The following POLN variants were observed in gnomAD, a reference collection of about 807,000 sequenced individuals.
POLN encodes DNA polymerase nu, also known as DNA polymerase N.
POLN carries 108 observed loss-of-function variants against 113.5 expected under a neutral mutation model. The ratio of observed to expected loss-of-function variants is 0.95; its 90% CI spans 0.81 to 1.12. The LOEUF (loss-of-function observed/expected upper bound fraction) is 1.12. Among genes scored for constraint, POLN ranks in the 50% most tolerant of loss-of-function variants. The probability of loss-of-function intolerance (pLI) is 0.00; values close to 1 mark genes in which losing one functional copy is unlikely to be tolerated. For synonymous variants in POLN, 386 were observed against 391.5 expected (o/e 0.99, Z 0.17); for missense variants, 1,097 against 1,077.1 (o/e 1.02, Z -0.26).
chr4:2,169,052 A>G (rs931015903), intron 13 of POLN, among the ~76,000 whole-genome samples: 2 of 152,190 alleles, frequency 1.3e-5, no homozygotes, highest in African/African-American at 4.8e-5. Context: ...GTTTAAGCTG[A>G]CAATCAGAAG....
chr4:2,127,806 C>A lies in POLN; in HGVS notation c.1982+307G>T, dbSNP rs1324284153. Among the ~76,000 whole-genome samples, 2 of 152,254 alleles carry A rather than the reference C, an allele frequency of 1.3e-5. No individual in the cohort carries two copies. The highest frequency in any genetic ancestry group is 2.9e-5 in the Non-Finnish European group (2 of 68,054). ...TCGGAGGGCAGTGGCTCACAGCCAG[C>A]ACCGCGGGCTCGCTCTTTCCGTGGT... On this transcript the variant is annotated intron_variant, in intron 19 of 25. Transcript: ENST00000511885. The surrounding 1 kb of genome is among the most constrained non-coding windows in gnomAD (Gnocchi z 4.7).
chr4:2,171,073 T>C (rs780086215), intron 12 of POLN, 25 bp downstream of exon 12: 27 of 1,578,654 alleles, frequency 1.7e-5, no homozygotes, highest in African/African-American at 2.7e-5. Context: ...ATACATTTTA[T>C]GAAAGAACCA....
chr4:2,136,179 C>A (rs911286888), intron 16 of POLN, among the ~76,000 whole-genome samples: 3 of 152,200 alleles, frequency 2.0e-5, no homozygotes, highest in African/African-American at 7.2e-5. Flanking sequence ...AGAGAGCACA[C>A]AGTAACGCAA....
intron 3 of POLN, among the ~76,000 whole-genome samples, chr4:2,214,760 G>A (rs1424571384): frequency 2.6e-5 from 4 of 152,098 alleles, no homozygotes; most frequent in Non-Finnish European, 2.9e-5. Flanking sequence ...CCCACAGGGA[G>A]CTCAAGATGG....
At chr4:2,131,870 G>T (rs552412027) in intron 16 of POLN, among the ~76,000 whole-genome samples, 152 of 152,290 alleles carry the variant, frequency 1.0e-3, no homozygotes, top group African/African-American at 3.5e-3. Flanking sequence ...CTTCTAGCCC[G>T]TTTCAACTAT....
intron 7 of POLN, among the ~76,000 whole-genome samples, chr4:2,185,060 T>C (rs1733236990): frequency 6.6e-6 from 1 of 152,260 alleles, no homozygotes; most frequent in African/African-American, 2.4e-5. Flanking sequence ...GTAAGTGTTA[T>C]AGCTAATAAA....
intron 19 of POLN, among the ~76,000 whole-genome samples, chr4:2,107,226 G>T (rs1248258859): frequency 6.6e-6 from 1 of 152,038 alleles, no homozygotes; most frequent in African/African-American, 2.4e-5. Context: ...GTTTTTAATA[G>T]TTTCCTTTTA....
rs114760744 is a variant in POLN at position 2,161,478 on chromosome 4, C to G, written c.1555-2267G>C. On this transcript the variant is annotated intron_variant, in intron 13 of 25. Coordinates refer to ENST00000511885, the MANE Select transcript of POLN (RefSeq NM_181808.4). ...AGCCCACCGGCGCTGCGCTCGATTT[C>G]TCACCCGGCCTTAGCTGCCTTCCAT... Among the ~76,000 whole-genome samples the G allele has an allele frequency of 3.6e-4, 55 of 152,378 alleles. No homozygotes were observed. In the East Asian group the frequency reaches 7.0e-3, roughly 19 times the overall value.
At chr4:2,238,584 A>G (rs199783455) in intron 2 of POLN, 162 of 1,432,286 alleles carry the variant, frequency 1.1e-4, no homozygotes, top group Non-Finnish European at 3.7e-5. Flanking sequence ...TTTACTAAAG[A>G]AACAATGAAG....
rs369727731 is a variant in POLN at position 2,182,059 on chromosome 4, G to A, written c.1022-2594C>T. On this transcript the variant is annotated intron_variant, in intron 7 of 25. Coordinates refer to ENST00000511885, the MANE Select transcript of POLN (RefSeq NM_181808.4). ...AAGACATATACATAATCAATACAGCGTAGTATCGACACAGAATAGACCTAC... is the reference window on the plus strand; with the variant it reads ...AAGACATATACATAATCAATACAGCATAGTATCGACACAGAATAGACCTAC... Among the ~76,000 whole-genome samples the A allele has an allele frequency of 1.4e-4, 21 of 151,800 alleles. 1 individual carries two copies. The highest frequency in any genetic ancestry group is 1.0e-3 in the South Asian group (5 of 4,812).
intron 19 of POLN, among the ~76,000 whole-genome samples, chr4:2,125,911 T>C (rs1253833391): frequency 6.6e-6 from 1 of 151,888 alleles, no homozygotes; most frequent in Non-Finnish European, 1.5e-5. Flanking sequence ...GATATGGGCA[T>C]TGAGAGGTGG....
chr4:2,149,691 C>T (rs1387637680), intron 16 of POLN, among the ~76,000 whole-genome samples: 1 of 152,130 alleles, frequency 6.6e-6, no homozygotes, highest in Non-Finnish European at 1.5e-5. Flanking sequence ...AAGGATGAGG[C>T]AGAAGGATCA....
intron 16 of POLN, among the ~76,000 whole-genome samples, chr4:2,133,165 A>C (rs973186197): frequency 1.3e-5 from 2 of 150,780 alleles, no homozygotes; most frequent in Non-Finnish European, 2.9e-5. Context: ...AAAAAAAAAT[A>C]ACATGCTGTC....
rs35293526 is a variant in POLN, at chr4:2,174,824, CTTT to C, written c.1249-76_1249-74del. 5,373 of 825,488 alleles carry C rather than the reference CTTT, an allele frequency of 6.5e-3. 1 individual carries two copies. The highest frequency in any genetic ancestry group is 0.025 in the East Asian group (777 of 30,558). The allele number at this position is 825,488 out of a possible 1,614,324, so 51.1% of individuals were successfully genotyped here. A position where few individuals can be genotyped will look rare whatever the true frequency, so the allele number is the denominator to read the frequency against. On this transcript the variant is annotated intron_variant, in intron 9 of 25. Coordinates refer to ENST00000511885, the MANE Select transcript of POLN (RefSeq NM_181808.4). Reference sequence around the variant, plus strand: ...TATCTGCATTTTGTTGAAAAGCCTACTTTTTTTTTTTTTTTTGAGACAGAGTCT... The same window carrying C: ...TATCTGCATTTTGTTGAAAAGCCTACTTTTTTTTTTTTTGAGACAGAGTCT...
intron 3 of POLN, among the ~76,000 whole-genome samples, chr4:2,226,143 T>C (rs1378092257): frequency 6.6e-6 from 1 of 152,082 alleles, no homozygotes; most frequent in African/African-American, 2.4e-5. Context: ...TTTGCAGGGT[T>C]GGAGAAGAAT....
chr4:2,174,085 T>C, intron 10 of POLN, 66 bp from the exon 11 acceptor site: 2 of 1,477,238 alleles, frequency 1.4e-6, no homozygotes, highest in Non-Finnish European at 1.9e-6. Context: ...AAGACTAAAA[T>C]GCTTCGCTCC....
At chr4:2,112,186 T>G (rs557978670) in intron 19 of POLN, among the ~76,000 whole-genome samples, 2,653 of 152,254 alleles carry the variant, frequency 0.017, 73 homozygotes, top group African/African-American at 0.06. Flanking sequence ...TAGCCATATG[T>G]AGAAAGCTGA....
At chr4:2,179,150 C>T (rs1733069636) in intron 8 of POLN, among the ~76,000 whole-genome samples, 158 bp downstream of exon 8, 1 of 152,186 alleles carries the variant, frequency 6.6e-6, no homozygotes, top group Admixed American at 6.5e-5. Context: ...TCAACATCCT[C>T]CACCAGAAAT....
chr4:2,172,478 C>T (rs1390570332), intron 11 of POLN, among the ~76,000 whole-genome samples: 3 of 152,212 alleles, frequency 2.0e-5, no homozygotes, highest in Admixed American at 2.0e-4. Context: ...CTCTTCAGAA[C>T]ACTTATTGGC....
Sources: gnomAD v4.1 joint callset for allele counts (sites outside exome capture counted in the v4.1 genomes callset) on GRCh38, gnomAD v4.1.1 for gene constraint, Gnocchi (gnomAD v3.1) non-coding constraint, MANE v1.5 for transcripts, NCBI Gene and HGNC (gene_info 2026-07-23, HGNC 2026-07-21) for gene names.